The following CALN1 variants were observed in gnomAD, a reference collection of about 807,000 sequenced individuals.
CALN1 encodes the protein calcium-binding protein 8.
CALN1 carries 17 observed loss-of-function variants against 30.6 expected under a neutral mutation model. The ratio of observed to expected loss-of-function variants is 0.56; its 90% CI spans 0.38 to 0.83. The LOEUF is 0.83. Among genes scored for constraint, CALN1 ranks in the 40% least tolerant of loss-of-function variants. The pLI, the probability that CALN1 is intolerant of heterozygous loss-of-function variation, is 0.00. For synonymous variants in CALN1, 156 were observed against 131.4 expected (o/e 1.19, Z -1.28); for missense variants, 291 against 354.9 (o/e 0.82, Z 1.45).
chr7:72,210,878 C>T (rs1292406105), intron 3 of CALN1, among the ~76,000 whole-genome samples: 2 of 151,418 alleles, frequency 1.3e-5, no homozygotes, highest in African/African-American at 4.9e-5. Context: ...TGATGAGCCC[C>T]GGTCTCCAGA....
chr7:72,121,120 C>A (rs1808344777), intron 3 of CALN1, among the ~76,000 whole-genome samples: 1 of 144,330 alleles, frequency 6.9e-6, no homozygotes, highest in African/African-American at 2.5e-5. Flanking sequence ...AAATCTATAT[C>A]TATTATAATT....
intron 3 of CALN1, among the ~76,000 whole-genome samples, chr7:72,122,134 T>A (rs984322418): frequency 1.3e-5 from 2 of 151,968 alleles, no homozygotes; most frequent in South Asian, 2.1e-4. Context: ...TACGGCAATA[T>A]TGGATGTGCC....
At chr7:71,984,580 G>A (rs553938235) in intron 5 of CALN1, among the ~76,000 whole-genome samples, 2 of 152,256 alleles carry the variant, frequency 1.3e-5, no homozygotes, top group East Asian at 1.9e-4. Context: ...ACATGTGGAG[G>A]TGCTTATTCT....
At chr7:72,070,733 A>G (rs1357557636) in intron 4 of CALN1, among the ~76,000 whole-genome samples, 4 of 152,058 alleles carry the variant, frequency 2.6e-5, no homozygotes, top group African/African-American at 9.7e-5. Flanking sequence ...TGTACTTACA[A>G]CATTATAGAT....
chr7:71,788,137 A>G (rs1407166402), intron 6 of CALN1, among the ~76,000 whole-genome samples: 2 of 152,222 alleles, frequency 1.3e-5, no homozygotes, highest in Admixed American at 1.3e-4. Flanking sequence ...CTTCTATAAC[A>G]AGAATCATGA....
At chr7:72,497,112 A>C in the CALN1 span, among the ~76,000 whole-genome samples, 1 of 152,186 alleles carries the variant, frequency 6.6e-6, no homozygotes, top group Admixed American at 6.5e-5. Context: ...AAAGCTGAGC[A>C]GAGATTTTAG....
intron 3 of CALN1, among the ~76,000 whole-genome samples, chr7:72,195,548 A>T (rs73141575): frequency 0.18 from 28,064 of 151,762 alleles, 2,810 homozygotes; most frequent in East Asian, 0.28. Flanking sequence ...GCTAATTTTT[A>T]AAAAAATTTT....
chr7:72,441,026 C>CAA (rs77718062), intron 1 of CALN1, among the ~76,000 whole-genome samples: 18 of 151,852 alleles, frequency 1.2e-4, no homozygotes, highest in African/African-American at 4.4e-4. Flanking sequence ...AAATGCTATC[C>CAA]AAAATGCTTT....
At position 72,044,900 on chromosome 7, in the gene CALN1, G is replaced by A. The variant is rs149294913; in HGVS notation, c.389-21131C>T. 3.3e-3 allele frequency among the ~76,000 whole-genome samples: 499 copies of A among 152,216 alleles called. 3 individuals are homozygous for A. The highest frequency in any genetic ancestry group is 9.5e-3 in the African/African-American group (393 of 41,530). On this transcript the variant is annotated intron_variant, in intron 4 of 6. Transcript: ENST00000395275. ...CTCCCAAAGCAATGGGATTAGAGGC[G>A]TGAGCCACTGCACCCAGCTACAGCC...
At chr7:72,448,745 A>T (rs1383915477), upstream of CALN1, among the ~76,000 whole-genome samples, 1 of 151,960 alleles carries the variant, frequency 6.6e-6, no homozygotes, top group Non-Finnish European at 1.5e-5. Context: ...AGCTGGGACT[A>T]CAGATGTGCA....
chr7:72,226,876 T>C (rs1378218040), intron 3 of CALN1, among the ~76,000 whole-genome samples: 1 of 151,250 alleles, frequency 6.6e-6, no homozygotes, highest in Non-Finnish European at 1.5e-5. Context: ...CACCCATCTC[T>C]ACAAAAAACA....
Position 72,361,971 on chromosome 7 carries a change from AT to A in CALN1, c.119+41279del, listed in dbSNP as rs1172587504. On this transcript the variant is annotated intron_variant, in intron 2 of 6. Transcript: ENST00000395275. ...TTTTTCTTACGCAGTTTTATTCATA[AT>A]TTTTTTAATGCGAGTTCTAGATATA... Among the ~76,000 whole-genome samples the A allele has an allele frequency of 5.9e-5, 9 of 152,248 alleles. 1 individual carries two copies. The highest frequency in any genetic ancestry group is 5.8e-4 in the East Asian group (3 of 5,188).
chr7:72,033,288 A>G (rs1801574930), intron 4 of CALN1, among the ~76,000 whole-genome samples: 1 of 152,238 alleles, frequency 6.6e-6, no homozygotes, highest in South Asian at 2.1e-4. Context: ...ATCCTTAAAA[A>G]AATCACTGCA....
chr7:72,339,441 AAC>A (rs1434981592), intron 2 of CALN1, among the ~76,000 whole-genome samples: 1 of 152,190 alleles, frequency 6.6e-6, no homozygotes, highest in South Asian at 2.1e-4. Flanking sequence ...CCAGCATGAA[AAC>A]ACAGAAAAAT....
chr7:71,844,047 G>A (rs1790096364), intron 5 of CALN1, among the ~76,000 whole-genome samples: 2 of 152,084 alleles, frequency 1.3e-5, no homozygotes, highest in Admixed American at 1.3e-4. Flanking sequence ...TATAGAGATG[G>A]ACCCTGGAGT....
At chr7:71,989,989 T>A (rs1798864172) in intron 5 of CALN1, among the ~76,000 whole-genome samples, 1 of 152,076 alleles carries the variant, frequency 6.6e-6, no homozygotes, top group South Asian at 2.1e-4. Context: ...GGTGACTCCA[T>A]CTTGAATAGG....
intron 5 of CALN1, among the ~76,000 whole-genome samples, chr7:71,898,670 C>T (rs1413166376): frequency 1.3e-5 from 2 of 152,106 alleles, no homozygotes; most frequent in East Asian, 3.9e-4. Flanking sequence ...CACAACTGGA[C>T]ACGTCATAGT....
intron 5 of CALN1, among the ~76,000 whole-genome samples, chr7:71,970,684 G>A (rs532724419): frequency 2.0e-5 from 3 of 150,910 alleles, no homozygotes; most frequent in Non-Finnish European, 2.9e-5. Context: ...TTCCCACTTC[G>A]TCCCCGCGCT....
chr7:71,860,563 T>G (rs1791213802), intron 5 of CALN1, among the ~76,000 whole-genome samples: 1 of 152,170 alleles, frequency 6.6e-6, no homozygotes, highest in Non-Finnish European at 1.5e-5. Context: ...TGCCCTGAAT[T>G]CTTTCTTGGG....
Sources: allele counts gnomAD v4.1 joint callset (sites outside exome capture counted in the v4.1 genomes callset), GRCh38; gene constraint gnomAD v4.1.1; transcripts MANE v1.5; gene names NCBI Gene and HGNC (gene_info 2026-07-23, HGNC 2026-07-21).